The following MPRIP variants were observed in gnomAD, a reference collection of about 807,000 sequenced individuals.
MPRIP encodes myosin phosphatase Rho-interacting protein.
MPRIP carries 59 observed loss-of-function variants against 234.9 expected under a neutral mutation model. That is an observed-to-expected ratio of 0.25 (90% confidence interval 0.20 to 0.31). MPRIP has a LOEUF of 0.31. MPRIP is among the 10% of genes least tolerant of loss of function. The pLI is 1.00. For synonymous variants in MPRIP, 1,144 were observed against 1,263.9 expected (o/e 0.91, Z 2.01); for missense variants, 2,436 against 3,071.0 (o/e 0.79, Z 4.89).
At chr17:17,084,755 A>G (rs1411971499) in intron 3 of MPRIP, among the ~76,000 whole-genome samples, 1 of 152,190 alleles carries the variant, frequency 6.6e-6, no homozygotes. Context: ...TGACCCAACT[A>G]TAGTAGCTGA....
chr17:17,163,568 C>T (rs981452213), intron 15 of MPRIP, among the ~76,000 whole-genome samples: 4 of 152,254 alleles, frequency 2.6e-5, no homozygotes, highest in African/African-American at 7.2e-5. Flanking sequence ...ACTACACTTT[C>T]CACAGGAAAA....
chr17:17,177,102 C>T (rs949709363), intron 21 of MPRIP, 148 bp from the exon 22 acceptor site: 9 of 784,322 alleles, frequency 1.1e-5, no homozygotes, highest in African/African-American at 1.7e-5. Flanking sequence ...TGTCCACTGT[C>T]TGCCTCTAGA....
At chr17:17,146,502 G>A (rs987027991) in intron 10 of MPRIP, among the ~76,000 whole-genome samples, 34 of 152,224 alleles carry the variant, frequency 2.2e-4, no homozygotes, top group Non-Finnish European at 4.6e-4. Flanking sequence ...CAGTAGCCTA[G>A]CACTGCAAGA....
Position 17,177,432 on chromosome 17 carries a change from C to T in MPRIP, c.7120+20C>T. 3 of 1,607,360 alleles carry T rather than the reference C, an allele frequency of 1.9e-6. No individual in the cohort carries two copies. Among genetic ancestry groups the T allele is most frequent in the Non-Finnish European group, 1.7e-6 (2 of 1,175,316 alleles). ...GATATGGTGCGTCCTCGGGTCATGCCCTCTCGGTTATTGCTGGGGGGCTTA... is the reference window on the plus strand; with the variant it reads ...GATATGGTGCGTCCTCGGGTCATGCTCTCTCGGTTATTGCTGGGGGGCTTA... On this transcript the variant is annotated intron_variant, in intron 22 of 23. Transcript: ENST00000651222.
In MPRIP at chr17:17,184,730, G is replaced by A. The variant is rs181527190; in HGVS notation, c.7207-93G>A. On this transcript the variant is annotated intron_variant, in intron 23 of 23. Coordinates refer to ENST00000651222, the MANE Select transcript of MPRIP (RefSeq NM_001364716.4). ...TGCACCCGGCTCTCTGACTGATGCC[G>A]GCTCCACCAGCGGTCCGGTCTGGTC... 4.0e-4 allele frequency: 367 copies of A among 917,504 alleles called. 2 individuals are homozygous for A. In the East Asian group the frequency reaches 6.9e-3, roughly 17 times the overall value. 56.8% of individuals were successfully genotyped at this position (917,504 alleles called of 1,614,324 possible).
At position 17,064,651 on chromosome 17, in the gene MPRIP, AAC is replaced by A. The variant is rs2088968773; in HGVS notation, c.124-11058_124-11057del. On this transcript the variant is annotated intron_variant, in intron 1 of 23. Coordinates refer to ENST00000651222, the MANE Select transcript of MPRIP (RefSeq NM_001364716.4). ...ATGTGAAGAAAATCATACAACCTGG[AAC>A]CTTTGAGATTGGCTTTTTTCACCTA... 2.8e-4 allele frequency among the ~76,000 whole-genome samples: 43 copies of A among 152,300 alleles called. No homozygotes were observed. The South Asian group carries it at 8.7e-3, about 31-fold the overall frequency.
At chr17:17,096,512 T>C (rs1266601211) in intron 3 of MPRIP, among the ~76,000 whole-genome samples, 4 of 152,200 alleles carry the variant, frequency 2.6e-5, no homozygotes, top group South Asian at 2.1e-4. Context: ...CAAGGGTTAA[T>C]GATGACTGTT....
chr17:17,122,278 A>G (rs2090403971), intron 3 of MPRIP, among the ~76,000 whole-genome samples: 1 of 152,204 alleles, frequency 6.6e-6, no homozygotes, highest in South Asian at 2.1e-4. Context: ...CCAACAGTGT[A>G]TAAGTGTTCC....
intron 3 of MPRIP, among the ~76,000 whole-genome samples, chr17:17,106,913 A>C (rs1196911620): frequency 6.6e-6 from 1 of 152,242 alleles, no homozygotes; most frequent in Non-Finnish European, 1.5e-5. Flanking sequence ...AGATGAGAGC[A>C]TCCAAGATAA....
intron 3 of MPRIP, among the ~76,000 whole-genome samples, chr17:17,101,395 A>T (rs1237814289): frequency 6.6e-6 from 1 of 152,086 alleles, no homozygotes; most frequent in Non-Finnish European, 1.5e-5. Context: ...ATGAAACCCC[A>T]TCTCTACTAA....
At chr17:17,121,457 G>A (rs1597839176) in intron 3 of MPRIP, among the ~76,000 whole-genome samples, 1 of 151,650 alleles carries the variant, frequency 6.6e-6, no homozygotes, top group Admixed American at 6.6e-5. Flanking sequence ...TGACAGTAGT[G>A]CCTGCCTCAT....
intron 3 of MPRIP, among the ~76,000 whole-genome samples, chr17:17,092,417 G>A (rs1029704316): frequency 8.5e-5 from 13 of 152,280 alleles, no homozygotes; most frequent in Admixed American, 7.2e-4. Context: ...ATATGTCATT[G>A]TGACAGCTGC....
chr17:17,057,723 G>A (rs2088747336), intron 1 of MPRIP: 3 of 717,638 alleles, frequency 4.2e-6, no homozygotes, highest in African/African-American at 1.7e-5. Context: ...AAGAGGAATG[G>A]CATCAGCTAT....
chr17:17,052,555 A>G (rs968279132), intron 1 of MPRIP, among the ~76,000 whole-genome samples: 3 of 152,154 alleles, frequency 2.0e-5, no homozygotes, highest in Non-Finnish European at 4.4e-5. Flanking sequence ...GATTTTTTCC[A>G]AAGTCCTGTT....
Position 17,165,591 on chromosome 17 carries a change from C to G in MPRIP, c.4000C>G (p.His1334Asp), listed in dbSNP as rs774896338. 7.7e-6 allele frequency: 10 copies of G among 1,304,702 alleles called. No homozygotes were observed. The East Asian group carries it at 5.0e-4, about 65-fold the overall frequency. The allele number at this position is 1,304,702 out of a possible 1,614,324, so 80.8% of individuals were successfully genotyped here. A position where few individuals can be genotyped will look rare whatever the true frequency, so the allele number is the denominator to read the frequency against. ...CACAATCCAGTGCCAAAGATACATT[C>G]ACCCCGAAGGGTCTGAGAAGACCTG... ...FSTIQCQRYI[H>D]PEGSEKTWTS... The change falls in exon 16 of 24, where the codon CAC becomes GAC. Residue 1334 changes from histidine to aspartate, a missense_variant. By Grantham distance (81) the His-to-Asp change is moderately conservative (BLOSUM62 -1). Around this residue, in one of 4 missense-constraint regions of MPRIP, gnomAD observed 1,998 missense variants for 2,520.3 expected, o/e 0.79. Transcript: ENST00000651222.
In MPRIP at chr17:17,190,755, C is replaced by T. The variant is rs191921032; in HGVS notation, c.*5861C>T. On this transcript the variant is annotated 3_prime_UTR_variant, in exon 24 of 24. Transcript: ENST00000651222. ...GAGATGGGGCAAGTTTCTGTCTGAA[C>T]ACGTCTTGGGTCCGAGTCCTTAGGT... is the stretch of plus-strand genomic sequence containing the variant. 6.6e-6 allele frequency: 1 copy of T among 152,146 alleles called. No individual in the cohort carries two copies. Among genetic ancestry groups the T allele is most frequent in the Non-Finnish European group, 1.5e-5 (1 of 68,048 alleles). 9.4% of individuals were successfully genotyped at this position (152,146 alleles called of 1,614,324 possible).
intron 2 of MPRIP, chr17:17,077,750 G>A (rs1383402059): frequency 1.2e-5 from 4 of 344,864 alleles, no homozygotes; most frequent in Non-Finnish European, 9.8e-6. Flanking sequence ...GCTTCCAAGT[G>A]TTAAAAAAAA....
rs548542896 is a variant in MPRIP, at chr17:17,047,709, G to T, written c.123+4738G>T. Among the ~76,000 whole-genome samples the T allele has an allele frequency of 3.2e-4, 48 of 152,316 alleles. 1 individual carries two copies. In the South Asian group the frequency reaches 9.9e-3, roughly 32 times the overall value. On this transcript the variant is annotated intron_variant, in intron 1 of 23. Transcript: ENST00000651222. The stretch of plus-strand genomic sequence containing the variant: ...GGGGTAGTTAGAAGTACCTTTAACA[G>T]AGATTGAGAAGAACAGATTTGGAGT...
At chr17:17,082,582 A>T (rs2089489937) in intron 3 of MPRIP, among the ~76,000 whole-genome samples, 1 of 152,164 alleles carries the variant, frequency 6.6e-6, no homozygotes, top group Non-Finnish European at 1.5e-5. Context: ...GGCATGAGCC[A>T]CCGTGCCCGG....
Sources: gnomAD v4.1 joint callset for allele counts (sites outside exome capture counted in the v4.1 genomes callset) on GRCh38, gnomAD v4.1.1 for gene constraint, gnomAD v4.1.1 regional missense constraint, MANE v1.5 for transcripts, NCBI Gene and HGNC (gene_info 2026-07-23, HGNC 2026-07-21) for gene names.